The following IPO13 variants were observed in gnomAD, a reference collection of about 807,000 sequenced individuals.
IPO13 encodes importin-13.
IPO13 carries 28 observed loss-of-function variants against 115.5 expected under a neutral mutation model. The observed-to-expected ratio is 0.24, with a 90% CI of 0.18 to 0.33. The LOEUF is 0.33. IPO13 is among the 10% of genes least tolerant of loss of function. The probability of loss-of-function intolerance (pLI) is 1.00; values close to 1 mark genes in which losing one functional copy is unlikely to be tolerated. For missense variants in IPO13, 785 were observed against 1,204.6 expected (o/e 0.65, Z 5.16); for synonymous variants, 414 against 478.9 (o/e 0.86, Z 1.77).
chr1:43,949,791 G>T lies in IPO13; in HGVS notation c.459G>T (p.Glu153Asp). The T allele has an allele frequency of 1.2e-6, 2 of 1,614,132 alleles. No homozygotes were observed. Among genetic ancestry groups the T allele is most frequent in the Non-Finnish European group, 8.5e-7 (1 of 1,180,020 alleles). ...ATATGGTACGACTCTTCCAGGCTGA[G>T]GACTCACCAGTGGATGGGCAGGGCC... is the stretch of plus-strand genomic sequence containing the variant. ...VADMVRLFQA[E>D]DSPVDGQGRC... Residue 153 changes from glutamate (E) to aspartate (D), a missense_variant, in exon 2 of 20, where the codon GAG (glutamate) becomes GAT (aspartate). Physicochemically the swap from Glu to Asp is conservative, Grantham distance 45 (BLOSUM62 2). Around this residue, in one of 3 missense-constraint regions of IPO13, gnomAD observed 325 missense variants for 449.8 expected, o/e 0.72. Transcript: ENST00000372343.
rs1490531920 is a variant in IPO13, at chr1:43,967,586, C to A, written c.2796C>A (p.Arg932=). Residue 932 remains arginine (R), a splice_region_variant and synonymous_variant, in exon 20 of 20, where the codon CGC becomes CGA. Transcript: ENST00000372343. This position sits in a 1 kb window ranked among gnomAD's most constrained non-coding sequence, Gnocchi z 6.1. ...QKDTFSQQIL[R]ERVNKRRVKE... ...ACCTGCTCTCCCTTTTCTCCTTCAG[C>A]GAGCGAGTGAACAAGAGGCGGGTGA... The A allele has an allele frequency of 1.9e-6, 3 of 1,614,186 alleles. No individual in the cohort carries two copies. Among genetic ancestry groups the A allele is most frequent in the African/African-American group, 1.3e-5 (1 of 75,050 alleles).
chr1:43,953,066 G>A (rs2085220059), intron 2 of IPO13, among the ~76,000 whole-genome samples: 1 of 152,200 alleles, frequency 6.6e-6, no homozygotes, highest in African/African-American at 2.4e-5. Flanking sequence ...CAGTCTCAAG[G>A]GCTTTGGCAG....
In IPO13 at chr1:43,967,567, T is replaced by C; in HGVS notation, c.2796-19T>C. ...GTGGTGGTGGCTGGTGCTAACCTGCTCTCCCTTTTCTCCTTCAGCGAGCGA... is the reference window on the plus strand; with the variant it reads ...GTGGTGGTGGCTGGTGCTAACCTGCCCTCCCTTTTCTCCTTCAGCGAGCGA... On this transcript the variant is annotated intron_variant, in intron 19 of 19. Coordinates refer to ENST00000372343, the MANE Select transcript of IPO13 (RefSeq NM_014652.4). This position sits in a 1 kb window ranked among gnomAD's most constrained non-coding sequence, Gnocchi z 6.1. 4.3e-6 allele frequency: 7 copies of C among 1,614,118 alleles called. No individual in the cohort carries two copies. The highest frequency in any genetic ancestry group is 5.9e-6 in the Non-Finnish European group (7 of 1,179,978).
At position 43,961,275 on chromosome 1, in the gene IPO13, C is replaced by T. The variant is rs1571770292; in HGVS notation, c.2344+13C>T. On this transcript the variant is annotated intron_variant, in intron 14 of 19. Coordinates refer to ENST00000372343, the MANE Select transcript of IPO13 (RefSeq NM_014652.4). ...CTCTTCCAGCAAGGTAGGTCCTGAC[C>T]GGGGTCTCTGCTGCTGCTGCCACTG... The T allele has an allele frequency of 1.2e-6, 2 of 1,602,262 alleles. No individual in the cohort carries two copies. Among genetic ancestry groups the T allele is most frequent in the Non-Finnish European group, 1.7e-6 (2 of 1,169,270 alleles).
intron 2 of IPO13, among the ~76,000 whole-genome samples, chr1:43,951,700 A>T (rs2085210319): frequency 6.6e-6 from 1 of 152,180 alleles, no homozygotes; most frequent in African/African-American, 2.4e-5. Flanking sequence ...AAGAAGTGAG[A>T]CTGGAGGTCC....
chr1:43,957,500 G>C lies in IPO13; in HGVS notation c.1491G>C (p.Arg497=). 6.2e-7 allele frequency: 1 copy of C among 1,614,196 alleles called. No homozygotes were observed. Among genetic ancestry groups the C allele is most frequent in the South Asian group, 1.1e-5 (1 of 91,084 alleles). Residue 497 remains arginine, a synonymous_variant, in exon 7 of 20, where the codon CGG becomes CGC. Coordinates refer to ENST00000372343, the MANE Select transcript of IPO13 (RefSeq NM_014652.4). ...VVPGLIGLIP[R]ISISNVQLAD... ...CTGGGCTCATTGGCCTCATCCCACG[G>C]ATCAGCATCAGCAACGTGCAGCTGG... is the stretch of plus-strand genomic sequence containing the variant.
chr1:43,967,092 G>C lies in IPO13; in HGVS notation c.2613+73G>C, dbSNP rs1473690105. 2 of 1,425,032 alleles carry C rather than the reference G, an allele frequency of 1.4e-6. No individual in the cohort carries two copies. Among genetic ancestry groups the C allele is most frequent in the African/African-American group, 2.8e-5 (2 of 71,252 alleles). 88.3% of individuals were successfully genotyped at this position (1,425,032 alleles called of 1,614,324 possible). ...GCTGAGGCAGCTGGCCTTCTGGGAGGCTTGAGCCTTTGGTCCCCTAAGCTC... is the reference window on the plus strand; with the variant it reads ...GCTGAGGCAGCTGGCCTTCTGGGAGCCTTGAGCCTTTGGTCCCCTAAGCTC... On this transcript the variant is annotated intron_variant, in intron 18 of 19. Coordinates refer to ENST00000372343, the MANE Select transcript of IPO13 (RefSeq NM_014652.4). This position sits in a 1 kb window ranked among gnomAD's most constrained non-coding sequence, Gnocchi z 6.1.
chr1:43,958,441 A>G lies in IPO13; in HGVS notation c.1750-20A>G. 6.2e-7 allele frequency: 1 copy of G among 1,613,754 alleles called. No homozygotes were observed. The highest frequency in any genetic ancestry group is 8.5e-7 in the Non-Finnish European group (1 of 1,179,936). On this transcript the variant is annotated intron_variant, in intron 9 of 19. Transcript: ENST00000372343. The surrounding 1 kb of genome is among the most constrained non-coding windows in gnomAD (Gnocchi z 6.3). ...CAACTAGATGTGGCCAGGACTGACC[A>G]TCCATGTTCTGCCCCACAGACAAGC...
At chr1:43,960,134 G>A (rs1269265308) in intron 11 of IPO13, 115 bp from the exon 12 acceptor site, 5 of 896,084 alleles carry the variant, frequency 5.6e-6, no homozygotes, top group Admixed American at 1.8e-5. Flanking sequence ...GGTCCTCAAT[G>A]TGTGTTCTGG....
chr1:43,966,947 G>A lies in IPO13; in HGVS notation c.2541G>A (p.Arg847=). The change falls in exon 18 of 20, where the codon CGG becomes CGA. Residue 847 remains arginine, a synonymous_variant. Transcript: ENST00000372343. This position sits in a 1 kb window ranked among gnomAD's most constrained non-coding sequence, Gnocchi z 4.1. ...SCGFFTELLP[R]CGEVESVGKV... The stretch of plus-strand genomic sequence containing the variant: ...CTCTGCAGACAGAGCTGCTGCCTCG[G>A]TGTGGGGAAGTAGAGTCTGTGGGAA... 6.2e-7 allele frequency: 1 copy of A among 1,613,874 alleles called. No individual in the cohort carries two copies. Among genetic ancestry groups the A allele is most frequent in the African/African-American group, 1.3e-5 (1 of 75,038 alleles).
Position 43,949,958 on chromosome 1 carries a change from T to C in IPO13, c.626T>C (p.Leu209Pro). The part of the protein sequence containing the change: ...GAVFPLLEQL[L>P]QQPSSPSCVR... ...GTCTTCCCGCTGCTGGAGCAGCTGC[T>C]ACAGCAGCCCAGCTCACCCAGCTGT... The change falls in exon 2 of 20, where the codon CTA (leucine) becomes CCA (proline). Residue 209 changes from leucine to proline, a missense_variant. By Grantham distance (98) the Leu-to-Pro change is moderately conservative. Around this residue, in one of 3 missense-constraint regions of IPO13, gnomAD observed 325 missense variants for 449.8 expected, o/e 0.72. Transcript: ENST00000372343. 6.2e-7 allele frequency: 1 copy of C among 1,610,588 alleles called. No individual in the cohort carries two copies. Among genetic ancestry groups the C allele is most frequent in the Non-Finnish European group, 8.5e-7 (1 of 1,179,404 alleles).
At chr1:43,961,663 G>A (rs1308750264) in intron 14 of IPO13, among the ~76,000 whole-genome samples, 2 of 152,186 alleles carry the variant, frequency 1.3e-5, no homozygotes, top group Non-Finnish European at 2.9e-5. Flanking sequence ...AACTAGTTGT[G>A]TGTCCTTGGG....
Position 43,958,824 on chromosome 1 carries a change from C to T in IPO13, c.1963C>T (p.His655Tyr). The T allele has an allele frequency of 6.2e-7, 1 of 1,614,134 alleles. No individual in the cohort carries two copies. The highest frequency in any genetic ancestry group is 8.5e-7 in the Non-Finnish European group (1 of 1,180,024). ...SNLFTTLDIS[H>Y]HEDDHEGPEL... ...CCTCTTCACCACACTGGACATCAGT[C>T]ATCATGAGGATGATCATGAAGGCCC... Residue 655 changes from histidine (H) to tyrosine (Y), a missense_variant, in exon 11 of 20, where the codon CAT becomes TAT. Around this residue, in one of 3 missense-constraint regions of IPO13, gnomAD observed 285 missense variants for 394.8 expected, o/e 0.72. Transcript: ENST00000372343. The surrounding 1 kb of genome is among the most constrained non-coding windows in gnomAD (Gnocchi z 6.3).
At chr1:43,951,466 A>G (rs1243032809) in intron 2 of IPO13, among the ~76,000 whole-genome samples, 1 of 152,204 alleles carries the variant, frequency 6.6e-6, no homozygotes, top group African/African-American at 2.4e-5. Context: ...CAGCCCAAGC[A>G]AGGGAAGGGT....
chr1:43,961,186 T>G lies in IPO13; in HGVS notation c.2268T>G (p.His756Gln). The change falls in exon 14 of 20, where the codon CAT (histidine) becomes CAG (glutamine). Residue 756 changes from histidine (H) to glutamine (Q), a missense_variant. His to Gln is a conservative substitution (Grantham distance 24). Transcript: ENST00000372343. ...CGTAGCTGGTCCACATCTTTGCTCA[T>G]GAGCCTGCCCACTTTCCCCCAATTG... ...LTRQLVHIFAHEPAHFPPIEA... is the reference protein window; with the variant it reads ...LTRQLVHIFAQEPAHFPPIEA... 6.2e-7 allele frequency: 1 copy of G among 1,614,188 alleles called. No homozygotes were observed. Among genetic ancestry groups the G allele is most frequent in the Non-Finnish European group, 8.5e-7 (1 of 1,179,996 alleles).
In IPO13 at chr1:43,955,919, A is replaced by T. The variant is rs188698141; in HGVS notation, c.822-401A>T. Among the ~76,000 whole-genome samples the T allele has an allele frequency of 2.8e-3, 424 of 150,798 alleles. 1 individual carries two copies. Among genetic ancestry groups the T allele is most frequent in the Non-Finnish European group, 2.7e-3 (180 of 67,838 alleles). ...ATGTGGTGGCTCCACCTGTAATCCC[A>T]GCTACTCTGGAGGCTGAGCAGGAGG... On this transcript the variant is annotated intron_variant, in intron 2 of 19. Coordinates refer to ENST00000372343, the MANE Select transcript of IPO13 (RefSeq NM_014652.4).
rs771299028 is a variant in IPO13 at position 43,958,086 on chromosome 1, C to T, written c.1650C>T (p.Thr550=). 1.8e-5 allele frequency: 29 copies of T among 1,613,998 alleles called. No individual in the cohort carries two copies. Among genetic ancestry groups the T allele is most frequent in the Non-Finnish European group, 2.5e-5 (29 of 1,179,982 alleles). The change falls in exon 8 of 20, where the codon ACC becomes ACT. Residue 550 remains threonine (T), a synonymous_variant. Coordinates refer to ENST00000372343, the MANE Select transcript of IPO13 (RefSeq NM_014652.4). The surrounding 1 kb of genome is among the most constrained non-coding windows in gnomAD (Gnocchi z 6.3). ...NPELSVSSVS[T]LKKICRECKY... ...AGCTGTCTGTCTCTTCTGTGTCCAC[C>T]CTCAAGAAGATCTGCCGAGAGTGCA... is the stretch of plus-strand genomic sequence containing the variant.
chr1:43,950,272 T>C (rs2085199942), intron 2 of IPO13, 119 bp downstream of exon 2: 2 of 1,220,046 alleles, frequency 1.6e-6, no homozygotes, highest in South Asian at 3.1e-5. Flanking sequence ...ATGCTGGAGA[T>C]ACAGCAAGGA....
At chr1:43,963,939 G>A (rs2085305821) in intron 14 of IPO13, among the ~76,000 whole-genome samples, 1 of 152,218 alleles carries the variant, frequency 6.6e-6, no homozygotes, top group South Asian at 2.1e-4. Flanking sequence ...AGAGGCCACA[G>A]TAAGTGTGGT....
Sources: allele counts gnomAD v4.1 joint callset (sites outside exome capture counted in the v4.1 genomes callset), GRCh38; gene constraint gnomAD v4.1.1; regional missense constraint gnomAD v4.1.1; non-coding constraint Gnocchi (gnomAD v3.1); transcripts MANE v1.5; gene names NCBI Gene and HGNC (gene_info 2026-07-23, HGNC 2026-07-21).